ADAMTS2: variants seen among roughly 807,000 people sequenced by gnomAD.
The protein encoded by ADAMTS2 is A disintegrin and metalloproteinase with thrombospondin motifs 2.
Under a neutral mutation model 123.0 loss-of-function variants are expected in ADAMTS2, and 50 were observed. The ratio of observed to expected loss-of-function variants is 0.41; its 90% CI spans 0.32 to 0.51. ADAMTS2 has a LOEUF of 0.51. Ranked by LOEUF, ADAMTS2 falls within the 20% of genes least tolerant of loss-of-function variation. ADAMTS2 has a pLI of 0.35. For synonymous variants in ADAMTS2, 678 were observed against 695.4 expected, an observed-to-expected ratio of 0.98 and a Z score of 0.39; for missense variants, 1,494 against 1,705.2, an observed-to-expected ratio of 0.88 and a Z score of 2.18.
At position 179,256,903 on chromosome 5, in the gene ADAMTS2, C is replaced by G. The variant is rs1343616413; in HGVS notation, c.688+16008G>C. ...CGCCCAAGAGCTGCAGGGCTGAGGC[C>G]TGGCTTTAGTCCAGCACCCCGATGT... On this transcript the variant is annotated intron_variant, in intron 3 of 21. Transcript: ENST00000251582. This position sits in a 1 kb window ranked among gnomAD's most constrained non-coding sequence, Gnocchi z 4.1. Among the ~76,000 whole-genome samples, 1 of 152,262 alleles carries G rather than the reference C, an allele frequency of 6.6e-6. No homozygotes were observed. Among genetic ancestry groups the G allele is most frequent in the Admixed American group, 6.5e-5 (1 of 15,290 alleles).
At chr5:179,192,241 C>T (rs1183445405) in intron 4 of ADAMTS2, among the ~76,000 whole-genome samples, 1 of 152,218 alleles carries the variant, frequency 6.6e-6, no homozygotes, top group Non-Finnish European at 1.5e-5. Flanking sequence ...GCACTCAGAG[C>T]GCAGGGCAAG....
intron 2 of ADAMTS2, among the ~76,000 whole-genome samples, chr5:179,311,522 TCTC>T (rs1310509762): frequency 6.6e-5 from 10 of 152,146 alleles, no homozygotes; most frequent in African/African-American, 2.4e-4. Context: ...TCCTGAACCT[TCTC>T]CTTCGCCCAC....
chr5:179,136,836 G>A (rs1225859585), intron 12 of ADAMTS2, among the ~76,000 whole-genome samples: 5 of 152,020 alleles, frequency 3.3e-5, no homozygotes, highest in Non-Finnish European at 7.4e-5. Context: ...CGGGTGTGGT[G>A]GCGTGCGCCT....
At position 179,113,508 on chromosome 5, in the gene ADAMTS2, G is replaced by A. The variant is rs994743524; in HGVS notation, c.*359C>T. ...TCGGTAGGGAATGTCATGCATCTCCGCCAAGGAAAGGAAGGTTCCCAATCA... is the reference window on the plus strand; with the variant it reads ...TCGGTAGGGAATGTCATGCATCTCCACCAAGGAAAGGAAGGTTCCCAATCA... On this transcript the variant is annotated 3_prime_UTR_variant, in exon 22 of 22. Transcript: ENST00000251582. 17 of 317,022 alleles carry A rather than the reference G, an allele frequency of 5.4e-5. No homozygotes were observed. Among genetic ancestry groups the A allele is most frequent in the South Asian group, 1.0e-4 (3 of 29,474 alleles). 19.6% of individuals were successfully genotyped at this position (317,022 alleles called of 1,614,324 possible).
chr5:179,213,061 C>T (rs1764898665), intron 3 of ADAMTS2, among the ~76,000 whole-genome samples: 1 of 133,664 alleles, frequency 7.5e-6, no homozygotes, highest in Admixed American at 7.0e-5. Context: ...TCCTGCACAG[C>T]CACACTGCGT....
Position 179,345,389 on chromosome 5 carries a change from C to A in ADAMTS2, c.-61G>T. The stretch of plus-strand genomic sequence containing the variant: ...GCCGGCGCGAAAGTTCCCCGCGAGC[C>A]GCCCAGCCCACATCTGGGGGCAGCT... On this transcript the variant is annotated 5_prime_UTR_variant, in exon 1 of 22. Transcript: ENST00000251582. This position sits in a 1 kb window ranked among gnomAD's most constrained non-coding sequence, Gnocchi z 7.5. The A allele has an allele frequency of 9.1e-7, 1 of 1,097,820 alleles. No homozygotes were observed. The highest frequency in any genetic ancestry group is 1.7e-5 in the African/African-American group (1 of 59,674). The allele number at this position is 1,097,820 out of a possible 1,614,324, so 68.0% of individuals were successfully genotyped here.
At chr5:179,200,730 CT>C (rs1303899669) in intron 4 of ADAMTS2, among the ~76,000 whole-genome samples, 2 of 152,176 alleles carry the variant, frequency 1.3e-5, no homozygotes, top group African/African-American at 4.8e-5. Flanking sequence ...AAGGGAGAAG[CT>C]TTTCCCCTGG....
In ADAMTS2 at chr5:179,158,288, ATC is replaced by A. The variant is rs1763523215; in HGVS notation, c.1132+433_1132+434del. Among the ~76,000 whole-genome samples the A allele has an allele frequency of 6.6e-6, 1 of 152,150 alleles. No individual in the cohort carries two copies. Among genetic ancestry groups the A allele is most frequent in the Non-Finnish European group, 1.5e-5 (1 of 68,028 alleles). ...CCTTTTGTCTCTTTTTAAAGAAAAC[ATC>A]TCTTACTCCAAGAACATGGAGCCAT... On this transcript the variant is annotated intron_variant, in intron 6 of 21. Transcript: ENST00000251582. The surrounding 1 kb of genome is among the most constrained non-coding windows in gnomAD (Gnocchi z 5.0).
At chr5:179,211,196 C>G (rs1446693632) in intron 3 of ADAMTS2, among the ~76,000 whole-genome samples, 1 of 152,254 alleles carries the variant, frequency 6.6e-6, no homozygotes, top group Non-Finnish European at 1.5e-5. Flanking sequence ...CCCAGCCCTG[C>G]TGAGCTGTGG....
rs376733145 is a variant in ADAMTS2 at position 179,222,483 on chromosome 5, C to T, written c.689-14768G>A. Among the ~76,000 whole-genome samples, 11 of 152,366 alleles carry T rather than the reference C, an allele frequency of 7.2e-5. No individual in the cohort carries two copies. The South Asian group carries it at 1.2e-3, about 17-fold the overall frequency. On this transcript the variant is annotated intron_variant, in intron 3 of 21. Coordinates refer to ENST00000251582, the MANE Select transcript of ADAMTS2 (RefSeq NM_014244.5). ...AGGGGAGGGAGGGCCACCCTGCCTG[C>T]AGAGAGGATGGCAAAGGCCCTGCTT...
At chr5:179,134,983 C>A (rs1581144887) in intron 13 of ADAMTS2, among the ~76,000 whole-genome samples, 1 of 137,616 alleles carries the variant, frequency 7.3e-6, no homozygotes, top group Non-Finnish European at 1.5e-5. Flanking sequence ...CAGCTCCGGG[C>A]CTCTAGCCCC....
chr5:179,153,972 G>T lies in ADAMTS2; in HGVS notation c.1382+77C>A, dbSNP rs1173928243. The stretch of plus-strand genomic sequence containing the variant: ...GAGGTCGGAGGGCTCTGGCTCTGGT[G>T]CATGGGGACTTGCACCCTCCCAGAG... On this transcript the variant is annotated intron_variant, in intron 8 of 21. Coordinates refer to ENST00000251582, the MANE Select transcript of ADAMTS2 (RefSeq NM_014244.5). 7 of 1,533,098 alleles carry T rather than the reference G, an allele frequency of 4.6e-6. No homozygotes were observed. The Admixed American group carries it at 9.8e-5, about 21-fold the overall frequency. The allele number at this position is 1,533,098 out of a possible 1,614,324, so 95.0% of individuals were successfully genotyped here.
At chr5:179,144,842 A>C (rs1763226778) in intron 10 of ADAMTS2, among the ~76,000 whole-genome samples, 1 of 152,370 alleles carries the variant, frequency 6.6e-6, no homozygotes, top group South Asian at 2.1e-4. Flanking sequence ...CTCAAATACA[A>C]CACCAAAAGC....
At chr5:179,309,601 C>A (rs757644245) in intron 2 of ADAMTS2, among the ~76,000 whole-genome samples, 15 of 151,300 alleles carry the variant, frequency 9.9e-5, no homozygotes, top group Non-Finnish European at 1.8e-4. Flanking sequence ...ACTAAAAATA[C>A]AAAAAAAATA....
intron 2 of ADAMTS2, among the ~76,000 whole-genome samples, chr5:179,305,897 CA>C (rs1391939159): frequency 6.6e-6 from 1 of 152,090 alleles, no homozygotes; most frequent in Admixed American, 6.5e-5. Flanking sequence ...ATGATTTCCT[CA>C]AAAACTATAA....
At chr5:179,212,474 C>A (rs112992089) in intron 3 of ADAMTS2, among the ~76,000 whole-genome samples, 1,899 of 76,268 alleles carry the variant, frequency 0.025, 97 homozygotes, top group Non-Finnish European at 0.029. Context: ...CACGTGTGGG[C>A]CCTGAGGGCG....
rs141437372 is a variant in ADAMTS2 at position 179,188,429 on chromosome 5, C to T, written c.892-7274G>A. Among the ~76,000 whole-genome samples the T allele has an allele frequency of 7.9e-5, 12 of 152,236 alleles. No homozygotes were observed. In the East Asian group the frequency reaches 1.2e-3, roughly 15 times the overall value. ...CAGGGGACAGAGGTCTGCTGGCCTCCGTGGAGGAAGAGTTTAGGCATTGCA... is the reference window on the plus strand; with the variant it reads ...CAGGGGACAGAGGTCTGCTGGCCTCTGTGGAGGAAGAGTTTAGGCATTGCA... On this transcript the variant is annotated intron_variant, in intron 4 of 21. Coordinates refer to ENST00000251582, the MANE Select transcript of ADAMTS2 (RefSeq NM_014244.5). The surrounding 1 kb of genome is among the most constrained non-coding windows in gnomAD (Gnocchi z 5.1).
rs899613085 is a variant in ADAMTS2 at position 179,170,906 on chromosome 5, C to G, written c.975+10166G>C. Among the ~76,000 whole-genome samples the G allele has an allele frequency of 2.0e-5, 3 of 152,184 alleles. No homozygotes were observed. Among genetic ancestry groups the G allele is most frequent in the African/African-American group, 7.2e-5 (3 of 41,440 alleles). ...TACATCTCCTCCCACGTTCATCAGA[C>G]ACCTCAGAGACCTGAAAACAGGGCC... On this transcript the variant is annotated intron_variant, in intron 5 of 21. Coordinates refer to ENST00000251582, the MANE Select transcript of ADAMTS2 (RefSeq NM_014244.5). This position sits in a 1 kb window ranked among gnomAD's most constrained non-coding sequence, Gnocchi z 4.3.
rs898597276 is a variant in ADAMTS2 at position 179,314,062 on chromosome 5, G to A, written c.534+29705C>T. 1.2e-5 allele frequency among the ~76,000 whole-genome samples: 1 copy of A among 81,952 alleles called. No homozygotes were observed. Among genetic ancestry groups the A allele is most frequent in the Non-Finnish European group, 2.6e-5 (1 of 38,158 alleles). 53.8% of individuals were successfully genotyped at this position (81,952 alleles called of 152,430 possible). A position where few individuals can be genotyped will look rare whatever the true frequency, so the allele number is the denominator to read the frequency against. On this transcript the variant is annotated intron_variant, in intron 2 of 21. Transcript: ENST00000251582. This position sits in a 1 kb window ranked among gnomAD's most constrained non-coding sequence, Gnocchi z 4.5. The stretch of plus-strand genomic sequence containing the variant: ...CCCAGGCAGAACCTGATGGTGGGGC[G>A]GGGGGGTTCCTCACACACCCCACAC...
Sources: gnomAD v4.1 joint callset for allele counts (sites outside exome capture counted in the v4.1 genomes callset) on GRCh38, gnomAD v4.1.1 for gene constraint, Gnocchi (gnomAD v3.1) non-coding constraint, MANE v1.5 for transcripts, NCBI Gene and HGNC (gene_info 2026-07-23, HGNC 2026-07-21) for gene names.